Variants in PNPLA8 observed in about 807,000 individuals in gnomAD.
The protein encoded by PNPLA8 is calcium-independent phospholipase A2-gamma.
In PNPLA8, 39 loss-of-function variants were observed where a neutral mutation model predicts 76.9. That is an observed-to-expected ratio of 0.51 (90% CI 0.39 to 0.66). The LOEUF (loss-of-function observed/expected upper bound fraction) is 0.66, where lower values mean the gene tolerates loss of function less well. Among genes scored for constraint, PNPLA8 ranks in the 30% least tolerant of loss-of-function variants. The probability of loss-of-function intolerance (pLI) is 0.00; values close to 1 mark genes in which losing one functional copy is unlikely to be tolerated. For synonymous variants in PNPLA8, 301 were observed against 307.9 expected (o/e 0.98, Z 0.24); for missense variants, 887 against 918.0 (o/e 0.97, Z 0.44).
intron 10 of PNPLA8, among the ~76,000 whole-genome samples, chr7:108,477,928 T>C (rs951565585): frequency 6.6e-6 from 1 of 152,170 alleles, no homozygotes; most frequent in Admixed American, 6.6e-5. Context: ...ACTCACTGAA[T>C]GCCTACTATA....
intron 9 of PNPLA8, among the ~76,000 whole-genome samples, chr7:108,484,828 C>T (rs936097758): frequency 6.6e-6 from 1 of 152,150 alleles, no homozygotes; most frequent in African/African-American, 2.4e-5. Flanking sequence ...AATATGCCAA[C>T]TATGGTTAAA....
chr7:108,472,412 A>G lies in PNPLA8; in HGVS notation c.2338T>C (p.Ser780Pro). The change falls in exon 11 of 11, where the codon TCA becomes CCA. Residue 780 changes from serine to proline, a missense_variant. Coordinates refer to ENST00000257694, the MANE Select transcript of PNPLA8 (RefSeq NM_001256007.3). Reference protein sequence around the residue: ...TDMYEGLPFFSKL With the variant: ...TDMYEGLPFFPKL ...TAAGCATATACTCATCACAATTTTG[A>G]AAAGAATGGAAGTCCTTCATACATA... is the stretch of plus-strand genomic sequence containing the variant. 1 of 1,568,488 alleles carries G rather than the reference A, an allele frequency of 6.4e-7. No homozygotes were observed. Among genetic ancestry groups the G allele is most frequent in the East Asian group, 2.2e-5 (1 of 44,648 alleles).
At chr7:108,477,259 T>C (rs1452274168) in intron 10 of PNPLA8, among the ~76,000 whole-genome samples, 2 of 152,190 alleles carry the variant, frequency 1.3e-5, no homozygotes, top group African/African-American at 2.4e-5. Flanking sequence ...AACTTAAATA[T>C]ATACAATTTT....
chr7:108,521,928 G>A (rs118157846), intron 1 of PNPLA8, among the ~76,000 whole-genome samples: 6 of 152,126 alleles, frequency 3.9e-5, no homozygotes, highest in East Asian at 1.9e-4. Context: ...TTCAGGCCAC[G>A]ATGGAAGGGG....
intron 9 of PNPLA8, among the ~76,000 whole-genome samples, chr7:108,483,292 T>G (rs544850183): frequency 3.3e-5 from 5 of 152,318 alleles, no homozygotes; most frequent in African/African-American, 1.2e-4. Flanking sequence ...TTATCACCAA[T>G]GTGTAGCTTT....
chr7:108,477,357 CAT>C (rs1271651739), intron 10 of PNPLA8, among the ~76,000 whole-genome samples: 2 of 152,014 alleles, frequency 1.3e-5, no homozygotes, highest in Non-Finnish European at 2.9e-5. Context: ...AAATCTAGCA[CAT>C]GAGCTTTTTT....
intron 9 of PNPLA8, among the ~76,000 whole-genome samples, chr7:108,480,293 G>A (rs556841461): frequency 5.3e-4 from 80 of 152,222 alleles, no homozygotes; most frequent in African/African-American, 1.9e-3. Context: ...GCTTGAGCCC[G>A]GGAGGTCAAG....
chr7:108,495,494 C>T lies in PNPLA8; in HGVS notation c.1625+1090G>A, dbSNP rs113108238. 2.6e-5 allele frequency among the ~76,000 whole-genome samples: 4 copies of T among 152,152 alleles called. No individual in the cohort carries two copies. The South Asian group carries it at 6.2e-4, about 24-fold the overall frequency. On this transcript the variant is annotated intron_variant, in intron 7 of 10. Transcript: ENST00000257694. Reference sequence around the variant, plus strand: ...ACTTGTCTATCTGTAAGAAATTACACAAAAAACACATCACCATGTTAATAG... The same window carrying T: ...ACTTGTCTATCTGTAAGAAATTACATAAAAAACACATCACCATGTTAATAG...
chr7:108,511,356 T>C (rs2154516495), intron 4 of PNPLA8, among the ~76,000 whole-genome samples: 1 of 152,240 alleles, frequency 6.6e-6, no homozygotes, highest in Non-Finnish European at 1.5e-5. Flanking sequence ...TGGTCATCCT[T>C]AGCATTACTA....
chr7:108,502,863 C>T (rs1219420339), intron 4 of PNPLA8: 1 of 336,802 alleles, frequency 3.0e-6, no homozygotes, highest in East Asian at 4.8e-5. Context: ...AACCAATATT[C>T]AAAAGTTTTC....
chr7:108,482,704 T>C (rs542016382), intron 9 of PNPLA8, among the ~76,000 whole-genome samples: 1 of 152,354 alleles, frequency 6.6e-6, no homozygotes, highest in Admixed American at 6.5e-5. Flanking sequence ...ATCTTCTGTT[T>C]TCAACATACA....
At chr7:108,488,444 T>TGGCA (rs201730265) in intron 8 of PNPLA8, among the ~76,000 whole-genome samples, 1,975 of 152,206 alleles carry the variant, frequency 0.013, 17 homozygotes, top group Middle Eastern at 0.031. Flanking sequence ...CTGGACATGA[T>TGGCA]GGCAGGTGCC....
At chr7:108,490,327 A>G (rs978174100) in intron 8 of PNPLA8, among the ~76,000 whole-genome samples, 3 of 152,116 alleles carry the variant, frequency 2.0e-5, no homozygotes, top group African/African-American at 7.2e-5. Flanking sequence ...TTTAGCCTAC[A>G]TGTGTAGTAG....
intron 4 of PNPLA8, 127 bp from the exon 5 acceptor site, chr7:108,502,769 G>C (rs1862059701): frequency 1.7e-6 from 1 of 587,670 alleles, no homozygotes; most frequent in East Asian, 3.1e-5. Context: ...TACTTTCTCA[G>C]TAATCTTATA....
chr7:108,514,672 C>T lies in PNPLA8; in HGVS notation c.820G>A (p.Ala274Thr). The T allele has an allele frequency of 1.2e-6, 2 of 1,613,972 alleles. No homozygotes were observed. Among genetic ancestry groups the T allele is most frequent in the South Asian group, 2.2e-5 (2 of 91,078 alleles). ...HTVDKPTSPS[A>T]IPDVLQVSTK... ...GAAACTTGAAGAACATCAGGTATCG[C>T]AGAAGGACTTGTAGGCTTGTCCACC... Residue 274 changes from alanine to threonine, a missense_variant, in exon 3 of 11, where the codon GCG becomes ACG. Ala to Thr is a moderately conservative substitution (Grantham distance 58). Transcript: ENST00000257694.
rs771547993 is a variant in PNPLA8, at chr7:108,497,468, TATA to T, written c.1453+12_1453+14del. ...GTACTGCCAGAATGCACCACTTCCATATAATAATAATTACCTGTGCTTACACCA... is the reference window on the plus strand; with the variant it reads ...GTACTGCCAGAATGCACCACTTCCATATAATAATTACCTGTGCTTACACCA... On this transcript the variant is annotated intron_variant, in intron 6 of 10. Transcript: ENST00000257694. 3 of 1,500,090 alleles carry T rather than the reference TATA, an allele frequency of 2.0e-6. No individual in the cohort carries two copies. Among genetic ancestry groups the T allele is most frequent in the Non-Finnish European group, 2.8e-6 (3 of 1,082,510 alleles). The allele number at this position is 1,500,090 out of a possible 1,614,324, so 92.9% of individuals were successfully genotyped here.
intron 9 of PNPLA8, among the ~76,000 whole-genome samples, chr7:108,486,730 T>C (rs1228451810): frequency 6.6e-6 from 1 of 152,132 alleles, no homozygotes; most frequent in East Asian, 1.9e-4. Flanking sequence ...TTAGTTTAAA[T>C]GATCCATTAG....
chr7:108,497,660 T>C (rs1156979971), intron 5 of PNPLA8, 83 bp from the exon 6 acceptor site: 4 of 679,236 alleles, frequency 5.9e-6, no homozygotes, highest in Admixed American at 3.7e-5. Context: ...AATCTAATAA[T>C]TGCTTTTAGA....
rs1360122776 is a variant in PNPLA8 at position 108,491,863 on chromosome 7, G to A, written c.1626-396C>T. Among the ~76,000 whole-genome samples, 4 of 152,200 alleles carry A rather than the reference G, an allele frequency of 2.6e-5. No homozygotes were observed. The East Asian group carries it at 5.8e-4, about 22-fold the overall frequency. On this transcript the variant is annotated intron_variant, in intron 7 of 10. Coordinates refer to ENST00000257694, the MANE Select transcript of PNPLA8 (RefSeq NM_001256007.3). ...TTCAGGGTCCTGCCAATAGGATAAAGGAGCTGTGTTGAGATAAGACTGCAG... is the reference window on the plus strand; with the variant it reads ...TTCAGGGTCCTGCCAATAGGATAAAAGAGCTGTGTTGAGATAAGACTGCAG...
Sources: allele counts gnomAD v4.1 joint callset (sites outside exome capture counted in the v4.1 genomes callset), GRCh38; gene constraint gnomAD v4.1.1; transcripts MANE v1.5; gene names NCBI Gene and HGNC (gene_info 2026-07-23, HGNC 2026-07-21).